Variants in RYR3 observed in about 807,000 individuals in gnomAD.
The protein encoded by RYR3 is ryanodine receptor 3.
Under a neutral mutation model 584.3 loss-of-function variants are expected in RYR3, and 207 were observed. The observed-to-expected ratio is 0.35, with a 90% CI of 0.32 to 0.40. The LOEUF (loss-of-function observed/expected upper bound fraction) is 0.40, where lower values mean the gene tolerates loss of function less well. Among genes scored for constraint, RYR3 ranks in the 10% least tolerant of loss-of-function variants. The pLI, the probability that RYR3 is intolerant of heterozygous loss-of-function variation, is 1.00. For synonymous variants in RYR3, 2,416 were observed against 2,248.5 expected, an observed-to-expected ratio of 1.07 and a Z score of -2.11; for missense variants, 5,616 against 6,089.2, an observed-to-expected ratio of 0.92 and a Z score of 2.59.
At position 33,368,338 on chromosome 15, in the gene RYR3, C is replaced by CTTTTTTTTT. The variant is rs35491164; in HGVS notation, c.51+57259_51+57267dup. 7.0e-4 allele frequency among the ~76,000 whole-genome samples: 60 copies of CTTTTTTTTT among 85,846 alleles called. 2 individuals carry two copies. Among genetic ancestry groups the CTTTTTTTTT allele is most frequent in the South Asian group, 1.9e-3 (4 of 2,124 alleles). The allele number at this position is 85,846 out of a possible 152,430, so 56.3% of individuals were successfully genotyped here. On this transcript the variant is annotated intron_variant, in intron 1 of 103. Transcript: ENST00000634891. ...TGTTTCTTCATTGTAGCCTTCCTGT[C>CTTTTTTTTT]TTTTTTTTTTTTTTTTTTTTTTTTT... is the stretch of plus-strand genomic sequence containing the variant.
intron 70 of RYR3, among the ~76,000 whole-genome samples, chr15:33,809,132 C>G (rs2076371690): frequency 6.6e-6 from 1 of 152,112 alleles, no homozygotes; most frequent in African/African-American, 2.4e-5. Flanking sequence ...TAATTCTGAC[C>G]CTACTCTTCT....
chr15:33,660,892 C>T (rs2063122701), intron 34 of RYR3, among the ~76,000 whole-genome samples: 1 of 150,872 alleles, frequency 6.6e-6, no homozygotes, highest in Non-Finnish European at 1.5e-5. Context: ...TTGCTCTTTT[C>T]ATCTACACAG....
chr15:33,537,333 G>T (rs899250578), intron 5 of RYR3, among the ~76,000 whole-genome samples: 4 of 152,106 alleles, frequency 2.6e-5, no homozygotes, highest in Non-Finnish European at 5.9e-5. Flanking sequence ...ATGTTTATTA[G>T]ATCTGACAGG....
chr15:33,824,927 T>A (rs1409116572), intron 81 of RYR3, among the ~76,000 whole-genome samples: 5 of 152,218 alleles, frequency 3.3e-5, no homozygotes, highest in Non-Finnish European at 5.9e-5. Flanking sequence ...GTGGTTGCAC[T>A]ATGGCTTCCT....
intron 70 of RYR3, among the ~76,000 whole-genome samples, chr15:33,809,035 C>T (rs1290113119): frequency 6.6e-6 from 1 of 152,214 alleles, no homozygotes; most frequent in Non-Finnish European, 1.5e-5. Flanking sequence ...AAAGAAATTA[C>T]ACTGTTCTTA....
At chr15:33,840,571 C>G (rs564714167) in intron 89 of RYR3, 373 of 540,030 alleles carry the variant, frequency 6.9e-4, no homozygotes, top group African/African-American at 6.6e-3. Context: ...AATGTCCTAA[C>G]ACAAGTTTCC....
chr15:33,464,613 CAA>C (rs2048343606), intron 1 of RYR3, among the ~76,000 whole-genome samples: 1 of 149,036 alleles, frequency 6.7e-6, no homozygotes, highest in Non-Finnish European at 1.5e-5. Flanking sequence ...ATAATATAAA[CAA>C]TATATTTAAT....
At chr15:33,364,247 T>C (rs1423375145) in intron 1 of RYR3, among the ~76,000 whole-genome samples, 1 of 152,232 alleles carries the variant, frequency 6.6e-6, no homozygotes, top group African/African-American at 2.4e-5. Context: ...ATTGTATTTC[T>C]GTTGGACCAG....
At chr15:33,822,637 A>C (rs1161178232) in intron 80 of RYR3, among the ~76,000 whole-genome samples, 1 of 152,260 alleles carries the variant, frequency 6.6e-6, no homozygotes, top group Non-Finnish European at 1.5e-5. Context: ...TGTGAAAGAA[A>C]TACTGAGCTT....
At chr15:33,467,545 C>T in intron 1 of RYR3, 1 of 916,884 alleles carries the variant, frequency 1.1e-6, no homozygotes, top group Non-Finnish European at 1.3e-6. Flanking sequence ...TTTTCAAGTT[C>T]AAAGTTCTTT....
chr15:33,726,663 C>T (rs2068486449), intron 46 of RYR3, among the ~76,000 whole-genome samples, 157 bp downstream of exon 46: 1 of 152,250 alleles, frequency 6.6e-6, no homozygotes, highest in Non-Finnish European at 1.5e-5. Context: ...GAGTTTTCTC[C>T]TCTAGGCTCT....
chr15:33,804,159 C>G (rs2076061685), intron 69 of RYR3, among the ~76,000 whole-genome samples: 1 of 152,184 alleles, frequency 6.6e-6, no homozygotes, highest in African/African-American at 2.4e-5. Context: ...GGTCTTCTTC[C>G]TTGCTGGTCC....
chr15:33,356,057 A>G (rs779621102), intron 1 of RYR3, among the ~76,000 whole-genome samples: 16 of 152,262 alleles, frequency 1.1e-4, no homozygotes, highest in Non-Finnish European at 5.9e-5. Context: ...TCTCAGTTTC[A>G]GAGATAGATA....
At chr15:33,484,503 C>A (rs2050245439) in intron 2 of RYR3, among the ~76,000 whole-genome samples, 1 of 152,092 alleles carries the variant, frequency 6.6e-6, no homozygotes, top group Non-Finnish European at 1.5e-5. Flanking sequence ...TTTGAAGTAG[C>A]AAGGATGGGA....
intron 36 of RYR3, 34 bp downstream of exon 36, chr15:33,663,771 T>C: frequency 6.4e-7 from 1 of 1,554,012 alleles, no homozygotes; most frequent in South Asian, 1.2e-5. Flanking sequence ...GTCCAGTTCC[T>C]ATGGAAGAAC....
chr15:33,405,066 T>TC, intron 1 of RYR3, among the ~76,000 whole-genome samples: 2 of 152,224 alleles, frequency 1.3e-5, no homozygotes, highest in South Asian at 4.2e-4. Flanking sequence ...TGCTGTGAAA[T>TC]CCCCCATGAG....
intron 1 of RYR3, among the ~76,000 whole-genome samples, chr15:33,322,880 T>C (rs1969162707): frequency 6.6e-6 from 1 of 151,636 alleles, no homozygotes; most frequent in African/African-American, 2.4e-5. Context: ...CTTGTCTACC[T>C]TATTGTAAGC....
Position 33,414,882 on chromosome 15 carries a change from C to T in RYR3, c.52-58537C>T, listed in dbSNP as rs372774665. 2.0e-4 allele frequency among the ~76,000 whole-genome samples: 30 copies of T among 152,268 alleles called. 1 individual carries two copies. The highest frequency in any genetic ancestry group is 1.2e-3 in the Admixed American group (18 of 15,304). On this transcript the variant is annotated intron_variant, in intron 1 of 103. Transcript: ENST00000634891. ...TGCTGGGATTACAGGCGTGAGCCAC[C>T]GCGCCGGCCTTAATAAGTACTTTGT... is the stretch of plus-strand genomic sequence containing the variant.
chr15:33,631,149 G>T, intron 22 of RYR3, 61 bp from the exon 23 acceptor site: 1 of 1,023,916 alleles, frequency 9.8e-7, no homozygotes, highest in South Asian at 1.5e-5. Context: ...ATGTGAATTA[G>T]GGTTCCTGCT....
Sources: allele counts gnomAD v4.1 joint callset (sites outside exome capture counted in the v4.1 genomes callset), GRCh38; gene constraint gnomAD v4.1.1; transcripts MANE v1.5; gene names NCBI Gene and HGNC (gene_info 2026-07-23, HGNC 2026-07-21).